ARHGAP29: variants seen among roughly 807,000 people sequenced by gnomAD.
The protein encoded by ARHGAP29 is rho GTPase-activating protein 29.
ARHGAP29 carries 43 observed loss-of-function variants against 122.6 expected under a neutral mutation model. That is an observed-to-expected ratio of 0.35 (90% CI 0.27 to 0.45). ARHGAP29 has a LOEUF of 0.45. ARHGAP29 is among the 20% of genes least tolerant of loss of function. The pLI is 1.00. For synonymous variants in ARHGAP29, 506 were observed against 497.1 expected, an observed-to-expected ratio of 1.02 and a Z score of -0.24; for missense variants, 1,303 against 1,477.2, an observed-to-expected ratio of 0.88 and a Z score of 1.93.
chr1:94,268,698 A>G (rs999521618), intron 1 of ARHGAP29, among the ~76,000 whole-genome samples: 3 of 152,148 alleles, frequency 2.0e-5, no homozygotes, highest in Admixed American at 6.5e-5. Flanking sequence ...TTATCAAATG[A>G]TTATCTTCTT....
At chr1:94,292,836 C>G in the ARHGAP29 span, among the ~76,000 whole-genome samples, 1 of 152,204 alleles carries the variant, frequency 6.6e-6, no homozygotes, top group Non-Finnish European at 1.5e-5. Flanking sequence ...GAAGCTTTGT[C>G]TCAGCGGGGC....
intron 7 of ARHGAP29, 149 bp downstream of exon 7, chr1:94,204,912 G>GT: frequency 1.3e-6 from 1 of 747,498 alleles, no homozygotes. Flanking sequence ...TCCATCTAGT[G>GT]TAAGAAGAGT....
At chr1:94,262,756 T>G (rs1654613156) in intron 1 of ARHGAP29, among the ~76,000 whole-genome samples, 1 of 152,186 alleles carries the variant, frequency 6.6e-6, no homozygotes, top group South Asian at 2.1e-4. Flanking sequence ...AAATGACAGA[T>G]GCTGGCAAGG....
At chr1:94,231,757 C>T (rs1290067492) in intron 1 of ARHGAP29, 114 bp from the exon 2 acceptor site, 3 of 706,316 alleles carry the variant, frequency 4.2e-6, no homozygotes, top group Middle Eastern at 2.8e-4. Context: ...CACAGCTCAC[C>T]TTGGTATCCT....
intron 1 of ARHGAP29, among the ~76,000 whole-genome samples, chr1:94,274,234 C>T (rs1296237580): frequency 2.0e-5 from 3 of 152,286 alleles, no homozygotes; most frequent in East Asian, 3.9e-4. Context: ...CAACTACCAA[C>T]TCTGTTGTCG....
chr1:94,223,977 T>A (rs1411278456), intron 2 of ARHGAP29, among the ~76,000 whole-genome samples: 1 of 152,104 alleles, frequency 6.6e-6, no homozygotes, highest in Non-Finnish European at 1.5e-5. Context: ...CTGGCTGATT[T>A]TTTTTGTATT....
chr1:94,262,362 C>T (rs895359785), intron 1 of ARHGAP29, among the ~76,000 whole-genome samples: 16 of 151,872 alleles, frequency 1.1e-4, no homozygotes, highest in South Asian at 2.1e-4. Flanking sequence ...GATTTCATGA[C>T]GAAGATGACA....
At chr1:94,213,178 T>G (rs1215918141) in intron 3 of ARHGAP29, among the ~76,000 whole-genome samples, 1 of 152,054 alleles carries the variant, frequency 6.6e-6, no homozygotes, top group Non-Finnish European at 1.5e-5. Flanking sequence ...GCTAGAAAAC[T>G]TTTTCTTTTC....
intron 2 of ARHGAP29, among the ~76,000 whole-genome samples, chr1:94,223,455 A>C (rs1294443187): frequency 6.6e-6 from 1 of 152,130 alleles, no homozygotes; most frequent in Non-Finnish European, 1.5e-5. Context: ...GCTAGTTCAC[A>C]GGGTTGTTCG....
At chr1:94,280,011 T>TTTTTTCCTGTGATACAGTAC (rs1557900818), upstream of ARHGAP29, among the ~76,000 whole-genome samples, 6 of 148,508 alleles carry the variant, frequency 4.0e-5, no homozygotes, top group African/African-American at 1.5e-4. Flanking sequence ...CTGTACTTGT[T>TTTTTTCCTGTGATACAGTAC]TTTTCCTGTG....
chr1:94,313,634 C>A, the ARHGAP29 span, among the ~76,000 whole-genome samples: 1 of 152,092 alleles, frequency 6.6e-6, no homozygotes, highest in Non-Finnish European at 1.5e-5. Context: ...GGGTATATAC[C>A]CAAAGAATTA....
intron 12 of ARHGAP29, among the ~76,000 whole-genome samples, chr1:94,198,243 A>C (rs1417213315): frequency 6.6e-6 from 1 of 152,184 alleles, no homozygotes; most frequent in Non-Finnish European, 1.5e-5. Flanking sequence ...TGGGGGGCCA[A>C]GGTGGGTGGA....
At position 94,230,066 on chromosome 1, in the gene ARHGAP29, C is replaced by A. The variant is rs561023316; in HGVS notation, c.205+1341G>T. Among the ~76,000 whole-genome samples, 15 of 151,764 alleles carry A rather than the reference C, an allele frequency of 9.9e-5. No individual in the cohort carries two copies. The South Asian group carries it at 3.1e-3, about 31-fold the overall frequency. On this transcript the variant is annotated intron_variant, in intron 2 of 22. Transcript: ENST00000260526. ...AAGGTAAATGACTTGTCAACTAATA[C>A]ATCACTTTAAATTTCACCTTAAAAA...
intron 1 of ARHGAP29, among the ~76,000 whole-genome samples, chr1:94,260,155 A>G (rs1654504213): frequency 6.6e-6 from 1 of 152,204 alleles, no homozygotes; most frequent in Non-Finnish European, 1.5e-5. Flanking sequence ...TATGCCTGGG[A>G]TGAGCCATGG....
chr1:94,176,454 T>C (rs1424172844), intron 22 of ARHGAP29, among the ~76,000 whole-genome samples: 3 of 152,220 alleles, frequency 2.0e-5, no homozygotes, highest in Non-Finnish European at 4.4e-5. Context: ...ACCTTTGGCA[T>C]TACTTAGTCT....
At chr1:94,233,639 A>C (rs1653070987) in intron 1 of ARHGAP29, among the ~76,000 whole-genome samples, 1 of 152,174 alleles carries the variant, frequency 6.6e-6, no homozygotes, top group Non-Finnish European at 1.5e-5. Flanking sequence ...TGTCATATGG[A>C]GACACACCTG....
the ARHGAP29 span, among the ~76,000 whole-genome samples, chr1:94,280,311 T>A: frequency 1.3e-5 from 2 of 152,062 alleles, no homozygotes; most frequent in Admixed American, 1.3e-4. Context: ...GGACTTTTGC[T>A]ATGGAAGGTT....
chr1:94,305,130 A>G, the ARHGAP29 span, among the ~76,000 whole-genome samples: 1 of 152,258 alleles, frequency 6.6e-6, no homozygotes, highest in Non-Finnish European at 1.5e-5. Context: ...TTAATCATGT[A>G]TAAGCCCCTA....
chr1:94,287,431 C>G, the ARHGAP29 span, among the ~76,000 whole-genome samples: 3 of 152,160 alleles, frequency 2.0e-5, no homozygotes, highest in East Asian at 5.8e-4. Context: ...TCCCTTCCAC[C>G]ATGATTGTAA....
Sources: allele counts gnomAD v4.1 joint callset (sites outside exome capture counted in the v4.1 genomes callset), GRCh38; gene constraint gnomAD v4.1.1; transcripts MANE v1.5; gene names NCBI Gene and HGNC (gene_info 2026-07-23, HGNC 2026-07-21).